Variants in SPINT2 observed in about 807,000 individuals in gnomAD.
SPINT2 encodes serine peptidase inhibitor, Kunitz type 2, also known as kunitz-type protease inhibitor 2.
In SPINT2, 18 loss-of-function variants were observed where a neutral mutation model predicts 30.1. That is an observed-to-expected ratio of 0.60 (90% CI 0.41 to 0.89). The LOEUF is 0.89. Ranked by LOEUF, SPINT2 falls within the 40% of genes least tolerant of loss-of-function variation. The pLI is 0.00. For synonymous variants in SPINT2, 139 were observed against 137.9 expected, an observed-to-expected ratio of 1.01 and a Z score of -0.05; for missense variants, 276 against 334.3, an observed-to-expected ratio of 0.83 and a Z score of 1.36.
intron 1 of SPINT2, among the ~76,000 whole-genome samples, chr19:38,267,754 C>T (rs1164292054): frequency 6.6e-6 from 1 of 151,908 alleles, no homozygotes. Flanking sequence ...ATAAGAGCAG[C>T]GGGAGAGGTG....
intron 1 of SPINT2, among the ~76,000 whole-genome samples, chr19:38,280,956 G>A (rs1968574408): frequency 6.6e-6 from 1 of 152,208 alleles, no homozygotes; most frequent in Non-Finnish European, 1.5e-5. Flanking sequence ...GGGCTGCCAG[G>A]GCTCACTGTG....
intron 1 of SPINT2, among the ~76,000 whole-genome samples, chr19:38,281,554 A>G (rs1302462612): frequency 1.3e-5 from 2 of 152,080 alleles, no homozygotes; most frequent in African/African-American, 4.8e-5. Flanking sequence ...TACTAAAAAT[A>G]CAAAATTAGC....
intron 1 of SPINT2, among the ~76,000 whole-genome samples, chr19:38,269,737 A>C (rs912098646): frequency 1.3e-5 from 2 of 150,796 alleles, no homozygotes; most frequent in Non-Finnish European, 2.9e-5. Context: ...CAGCCTCCCG[A>C]GTACTGGGAC....
intron 1 of SPINT2, among the ~76,000 whole-genome samples, chr19:38,268,698 G>A (rs1968409726): frequency 6.6e-6 from 1 of 152,058 alleles, no homozygotes; most frequent in South Asian, 2.1e-4. Context: ...TTAGTAAATG[G>A]TAACACGTAA....
chr19:38,288,241 C>T (rs928664471), intron 3 of SPINT2, among the ~76,000 whole-genome samples: 30 of 152,130 alleles, frequency 2.0e-4, no homozygotes, highest in African/African-American at 6.7e-4. Flanking sequence ...CCTTGCTGTG[C>T]GGGCCTCCAG....
chr19:38,264,941 C>T lies in SPINT2; in HGVS notation c.49C>T (p.Leu17=). Residue 17 remains leucine, a synonymous_variant, in exon 1 of 7, where the codon CTG becomes TTG. Coordinates refer to ENST00000301244, the MANE Select transcript of SPINT2 (RefSeq NM_021102.4). ...GCGGAGCCGGGCGTTTCTCGCCCTG[C>T]TGGGATCGCTGCTCCTCTCTGGGGT... ...LRRSRAFLAL[L]GSLLLSGVLA... 6.5e-7 allele frequency: 1 copy of T among 1,536,528 alleles called. No individual in the cohort carries two copies. The highest frequency in any genetic ancestry group is 8.7e-7 in the Non-Finnish European group (1 of 1,145,644).
chr19:38,280,266 G>A (rs952920334), intron 1 of SPINT2, among the ~76,000 whole-genome samples: 1 of 152,150 alleles, frequency 6.6e-6, no homozygotes, highest in African/African-American at 2.4e-5. Context: ...GTCCTCAGCC[G>A]CTACTGTGAG....
chr19:38,267,849 C>T (rs749167977), intron 1 of SPINT2, among the ~76,000 whole-genome samples: 1 of 152,062 alleles, frequency 6.6e-6, no homozygotes, highest in Non-Finnish European at 1.5e-5. Context: ...GAATGATTTA[C>T]TCTAATAATG....
chr19:38,272,416 G>A (rs181664281), intron 1 of SPINT2, among the ~76,000 whole-genome samples: 25 of 152,234 alleles, frequency 1.6e-4, no homozygotes, highest in African/African-American at 5.3e-4. Context: ...AGTCTTAGGG[G>A]GAAGGTAGTA....
At chr19:38,265,604 T>C (rs1178899708) in intron 1 of SPINT2, 1 of 152,424 alleles carries the variant, frequency 6.6e-6, no homozygotes, top group African/African-American at 2.4e-5. Flanking sequence ...GCAGCTGGTG[T>C]TGGGGTCTTT....
At chr19:38,270,025 C>T (rs572964241) in intron 1 of SPINT2, among the ~76,000 whole-genome samples, 1 of 152,246 alleles carries the variant, frequency 6.6e-6, no homozygotes, top group East Asian at 1.9e-4. Flanking sequence ...GTGGCCCAGC[C>T]CTCTCCTGCA....
intron 2 of SPINT2, among the ~76,000 whole-genome samples, chr19:38,284,469 G>A (rs1968618756): frequency 6.6e-6 from 1 of 152,152 alleles, no homozygotes; most frequent in Non-Finnish European, 1.5e-5. Context: ...CTTGACAGTG[G>A]AATCTGGGTG....
At chr19:38,271,641 G>C (rs980577988) in intron 1 of SPINT2, among the ~76,000 whole-genome samples, 1 of 151,796 alleles carries the variant, frequency 6.6e-6, no homozygotes, top group African/African-American at 2.4e-5. Flanking sequence ...AGACCAGCCT[G>C]GCCAAGATGT....
chr19:38,287,988 T>A, intron 3 of SPINT2, 53 bp downstream of exon 3: 1 of 1,579,952 alleles, frequency 6.3e-7, no homozygotes, highest in Non-Finnish European at 8.7e-7. Flanking sequence ...TGGGTCATTG[T>A]GAAAGGACAC....
At chr19:38,281,296 C>T (rs1195616348) in intron 1 of SPINT2, among the ~76,000 whole-genome samples, 1 of 152,096 alleles carries the variant, frequency 6.6e-6, no homozygotes, top group Non-Finnish European at 1.5e-5. Context: ...TGCTTGTAGT[C>T]CCAGCTACTC....
At chr19:38,281,690 C>A (rs978126558) in intron 1 of SPINT2, among the ~76,000 whole-genome samples, 4 of 151,192 alleles carry the variant, frequency 2.6e-5, no homozygotes, top group Non-Finnish European at 5.9e-5. Flanking sequence ...GCCTGGGCAA[C>A]AAGAGTGAAA....
intron 1 of SPINT2, among the ~76,000 whole-genome samples, chr19:38,272,540 G>A (rs1227021465): frequency 1.3e-5 from 2 of 152,178 alleles, no homozygotes; most frequent in African/African-American, 2.4e-5. Flanking sequence ...CGAATTAACA[G>A]CAGACAGTTT....
At chr19:38,270,400 A>T (rs1048777555) in intron 1 of SPINT2, among the ~76,000 whole-genome samples, 2 of 152,196 alleles carry the variant, frequency 1.3e-5, no homozygotes, top group Admixed American at 6.6e-5. Context: ...GCACCCACCA[A>T]TTGCCAGGCA....
rs540476350 is a variant in SPINT2, at chr19:38,284,295, A to C, written c.277+498A>C. 1.1e-4 allele frequency among the ~76,000 whole-genome samples: 17 copies of C among 151,338 alleles called. No individual in the cohort carries two copies. The East Asian group carries it at 2.9e-3, about 26-fold the overall frequency. ...TTTTTATAGAGGCGGGGGTCTCCCT[A>C]TGTTACCCAGGCTGGTCTTGGACTC... is the stretch of plus-strand genomic sequence containing the variant. On this transcript the variant is annotated intron_variant, in intron 2 of 6. Transcript: ENST00000301244.
Sources: allele counts gnomAD v4.1 joint callset (sites outside exome capture counted in the v4.1 genomes callset), GRCh38; gene constraint gnomAD v4.1.1; transcripts MANE v1.5; gene names NCBI Gene and HGNC (gene_info 2026-07-23, HGNC 2026-07-21).